Variants in COL5A2 observed in about 807,000 individuals in gnomAD.
The protein encoded by COL5A2 is collagen alpha-2(V) chain.
A neutral mutation model predicts 208.2 loss-of-function variants in COL5A2; 23 were observed. The observed-to-expected ratio is 0.11, with a 90% CI of 0.08 to 0.16. The LOEUF is 0.16. Ranked by LOEUF, COL5A2 falls within the 10% of genes least tolerant of loss-of-function variation. The pLI is 1.00. For missense variants in COL5A2, 1,590 were observed against 1,956.4 expected (o/e 0.81, Z 3.53); for synonymous variants, 625 against 628.5 (o/e 0.99, Z 0.08).
the COL5A2 span, among the ~76,000 whole-genome samples, chr2:189,302,755 G>A: frequency 6.6e-6 from 1 of 152,076 alleles, no homozygotes; most frequent in Non-Finnish European, 1.5e-5. Context: ...TCATCCCTTT[G>A]TCTGACATAC....
At chr2:189,180,128 G>GC (rs1407679803), upstream of COL5A2, among the ~76,000 whole-genome samples, 2 of 151,854 alleles carry the variant, frequency 1.3e-5, no homozygotes, top group African/African-American at 4.8e-5. Flanking sequence ...AGGAAATCCA[G>GC]CCTTTTACCC....
the COL5A2 span, among the ~76,000 whole-genome samples, chr2:189,407,206 T>C: frequency 1.3e-5 from 2 of 152,160 alleles, no homozygotes; most frequent in Non-Finnish European, 2.9e-5. Flanking sequence ...ACTCCATACC[T>C]GTAAAGGTTT....
At chr2:189,182,532 C>T (rs1489207385), upstream of COL5A2, among the ~76,000 whole-genome samples, 1 of 152,018 alleles carries the variant, frequency 6.6e-6, no homozygotes, top group Non-Finnish European at 1.5e-5. Flanking sequence ...CACACTGTCC[C>T]CAGGAGGAGC....
intron 1 of COL5A2, among the ~76,000 whole-genome samples, chr2:189,134,932 T>A (rs992084968): frequency 2.0e-5 from 3 of 151,824 alleles, no homozygotes; most frequent in African/African-American, 4.8e-5. Context: ...CACATGAAAT[T>A]AGTACAGACT....
chr2:189,356,664 G>T, the COL5A2 span, among the ~76,000 whole-genome samples: 2 of 152,062 alleles, frequency 1.3e-5, no homozygotes, highest in East Asian at 1.9e-4. Flanking sequence ...TAGCTTCCTT[G>T]CATTGGGTTA....
At chr2:189,391,822 AT>A in the COL5A2 span, among the ~76,000 whole-genome samples, 1 of 152,116 alleles carries the variant, frequency 6.6e-6, no homozygotes, top group African/African-American at 2.4e-5. Context: ...AAATTATTTG[AT>A]TTTTTGTGGT....
chr2:189,327,954 G>A, the COL5A2 span, among the ~76,000 whole-genome samples: 5 of 152,122 alleles, frequency 3.3e-5, no homozygotes, highest in Non-Finnish European at 5.9e-5. Context: ...TACTTCTAAT[G>A]TGATTTAAAA....
intron 1 of COL5A2, among the ~76,000 whole-genome samples, chr2:189,127,552 C>A (rs1687630838): frequency 6.6e-6 from 1 of 151,944 alleles, no homozygotes; most frequent in Non-Finnish European, 1.5e-5. Flanking sequence ...AAACTACTTG[C>A]TATGTAACAC....
chr2:189,082,616 T>C (rs1321592409), intron 12 of COL5A2, among the ~76,000 whole-genome samples: 1 of 152,240 alleles, frequency 6.6e-6, no homozygotes, highest in Non-Finnish European at 1.5e-5. Flanking sequence ...TGTGATTACA[T>C]ATCCCTAATG....
the COL5A2 span, among the ~76,000 whole-genome samples, chr2:189,321,726 C>A: frequency 6.6e-6 from 1 of 152,070 alleles, no homozygotes; most frequent in African/African-American, 2.4e-5. Flanking sequence ...ACAATAATGA[C>A]GGCAGACTTT....
chr2:189,311,363 T>C, the COL5A2 span: 5 of 955,658 alleles, frequency 5.2e-6, no homozygotes, highest in African/African-American at 3.2e-5. Context: ...GTTGCTGCTG[T>C]CCAGGGCATC....
the COL5A2 span, among the ~76,000 whole-genome samples, chr2:189,245,548 G>T: frequency 1.4e-5 from 2 of 147,132 alleles, no homozygotes; most frequent in Non-Finnish European, 3.0e-5. Flanking sequence ...GCAGTGGCGC[G>T]ATCTCGGCTC....
chr2:189,386,062 A>G, the COL5A2 span, among the ~76,000 whole-genome samples: 6 of 152,264 alleles, frequency 3.9e-5, no homozygotes, highest in East Asian at 1.2e-3. Context: ...ATCAGATCCC[A>G]TGAGATTTAT....
chr2:189,375,526 T>C, the COL5A2 span, among the ~76,000 whole-genome samples: 1 of 152,224 alleles, frequency 6.6e-6, no homozygotes, highest in Admixed American at 6.5e-5. Flanking sequence ...TTGTCATAAA[T>C]TGTACAGTTT....
At chr2:189,064,820 C>A (rs1686111937) in intron 24 of COL5A2, among the ~76,000 whole-genome samples, 165 bp from the exon 25 acceptor site, 1 of 152,170 alleles carries the variant, frequency 6.6e-6, no homozygotes, top group South Asian at 2.1e-4. Flanking sequence ...AACTAGCATC[C>A]TTCCCCCCTA....
chr2:189,345,503 G>C, the COL5A2 span, among the ~76,000 whole-genome samples: 1 of 152,112 alleles, frequency 6.6e-6, no homozygotes, highest in East Asian at 1.9e-4. Context: ...GAAGACCACT[G>C]ATATTTAAGA....
the COL5A2 span, among the ~76,000 whole-genome samples, chr2:189,251,576 T>C: frequency 6.6e-6 from 1 of 152,168 alleles, no homozygotes; most frequent in South Asian, 2.1e-4. Context: ...TGTCATCCAA[T>C]GTCTTTTATA....
chr2:189,112,594 T>C (rs1340487372), intron 1 of COL5A2, among the ~76,000 whole-genome samples: 2 of 152,180 alleles, frequency 1.3e-5, no homozygotes, highest in African/African-American at 2.4e-5. Flanking sequence ...TATATCCTAA[T>C]GGTTTGTGTG....
At chr2:189,186,440 T>A (rs1175846114) in intron 1 of COL5A2, among the ~76,000 whole-genome samples, 1 of 152,228 alleles carries the variant, frequency 6.6e-6, no homozygotes, top group Non-Finnish European at 1.5e-5. Flanking sequence ...AAATACTGTG[T>A]TAGCACTTTA....
Sources: allele counts gnomAD v4.1 joint callset (sites outside exome capture counted in the v4.1 genomes callset), GRCh38; gene constraint gnomAD v4.1.1; transcripts MANE v1.5; gene names NCBI Gene and HGNC (gene_info 2026-07-23, HGNC 2026-07-21).